NPM2: variants seen among roughly 807,000 people sequenced by gnomAD.
NPM2 encodes the protein nucleoplasmin-2.
A neutral mutation model predicts 32.0 loss-of-function variants in NPM2; 25 were observed. The ratio of observed to expected loss-of-function variants is 0.78; its 90% CI spans 0.57 to 1.09. The LOEUF is 1.09. Ranked by LOEUF, NPM2 falls within the 50% of genes least tolerant of loss-of-function variation. NPM2 has a pLI of 0.00. For synonymous variants in NPM2, 111 were observed against 94.2 expected, an observed-to-expected ratio of 1.18 and a Z score of -1.04; for missense variants, 282 against 259.9, an observed-to-expected ratio of 1.08 and a Z score of -0.58.
At chr8:22,026,454 C>CTTT (rs1171179196) in intron 5 of NPM2, among the ~76,000 whole-genome samples, 3 of 111,414 alleles carry the variant, frequency 2.7e-5, no homozygotes, top group Non-Finnish European at 5.4e-5. Flanking sequence ...CAGTTCTTGC[C>CTTT]TTTTTTTTTT....
Position 22,033,160 on chromosome 8 carries a change from C to A in NPM2, c.301C>A (p.Pro101Thr). ...VSMVGVQLSP[P>T]VTFQLRAGSG... ...CATGGTAGGAGTGCAGCTTTCTCCC[C>A]CAGTTACTTTCCAGCTCCGGGCTGG... The change falls in exon 6 of 10, where the codon CCA becomes ACA. Residue 101 changes from proline (P) to threonine (T), a missense_variant. By Grantham distance (38) the Pro-to-Thr change is conservative (BLOSUM62 -1). Coordinates refer to ENST00000518119, the MANE Select transcript of NPM2 (RefSeq NM_001286680.2). 6.2e-7 allele frequency: 1 copy of A among 1,614,130 alleles called. No individual in the cohort carries two copies. Among genetic ancestry groups the A allele is most frequent in the South Asian group, 1.1e-5 (1 of 91,076 alleles).
chr8:22,035,840 G>T (rs1223372490), intron 8 of NPM2, among the ~76,000 whole-genome samples: 1 of 151,698 alleles, frequency 6.6e-6, no homozygotes, highest in East Asian at 1.9e-4. Context: ...GGCTGAGGCA[G>T]GAGAATCACT....
In NPM2 at chr8:22,033,205, A is replaced by C; in HGVS notation, c.346A>C (p.Ser116Arg). The change falls in exon 6 of 10, where the codon AGT becomes CGT. Residue 116 changes from serine (S) to arginine (R), a missense_variant. Physicochemically the swap from Ser to Arg is moderately radical, Grantham distance 110. Transcript: ENST00000518119. ...LRAGSGPVFL[S>R]GQERYEASDL... Reference sequence around the variant, plus strand: ...GGCTGGCTCAGGACCCGTGTTCCTCAGTGGCCAGGAACGTTATGGTAAGTC... The same window carrying C: ...GGCTGGCTCAGGACCCGTGTTCCTCCGTGGCCAGGAACGTTATGGTAAGTC... 6.2e-7 allele frequency: 1 copy of C among 1,613,978 alleles called. No individual in the cohort carries two copies. Among genetic ancestry groups the C allele is most frequent in the Non-Finnish European group, 8.5e-7 (1 of 1,179,930 alleles).
chr8:22,026,723 G>C (rs778112060), intron 5 of NPM2, among the ~76,000 whole-genome samples: 1 of 152,168 alleles, frequency 6.6e-6, no homozygotes, highest in African/African-American at 2.4e-5. Flanking sequence ...CCGAAGTGCT[G>C]GGATTACAGG....
At chr8:22,034,363 C>A in intron 7 of NPM2, 88 bp downstream of exon 7, 1 of 1,420,336 alleles carries the variant, frequency 7.0e-7, no homozygotes, top group Non-Finnish European at 9.6e-7. Flanking sequence ...CCTGGGCCAG[C>A]CTCCCAGAAT....
rs758138230 is a variant in NPM2 at position 22,034,276 on chromosome 8, G to GTGGGGGAAGGAGCGTGGCTGT, written c.531+3_531+23dup. On this transcript the variant is annotated splice_donor_variant, in intron 7 of 9. Transcript: ENST00000518119. LOFTEE classifies it high-confidence loss of function. The stretch of plus-strand genomic sequence containing the variant: ...CCAGAAGCAGGCGAGCGTGGCTAAG[G>GTGGGGGAAGGAGCGTGGCTGT]TGGGGGAAGGAGCGTGGCTGTTTGG... 6.3e-7 allele frequency: 1 copy of GTGGGGGAAGGAGCGTGGCTGT among 1,584,782 alleles called. No individual in the cohort carries two copies. Among genetic ancestry groups the GTGGGGGAAGGAGCGTGGCTGT allele is most frequent in the Admixed American group, 1.7e-5 (1 of 57,474 alleles).
chr8:22,027,766 C>T (rs1378538042), intron 5 of NPM2, among the ~76,000 whole-genome samples: 2 of 152,166 alleles, frequency 1.3e-5, no homozygotes, highest in African/African-American at 4.8e-5. Flanking sequence ...TCCACTACGC[C>T]AGGCTAATTT....
At chr8:22,032,960 C>T in intron 5 of NPM2, 170 bp from the exon 6 acceptor site, 1 of 600,680 alleles carries the variant, frequency 1.7e-6, no homozygotes, top group Non-Finnish European at 3.0e-6. Context: ...GTGAGCTTAG[C>T]AAGAATGGGA....
chr8:22,030,919 G>A (rs1800418059), intron 5 of NPM2, among the ~76,000 whole-genome samples: 1 of 152,186 alleles, frequency 6.6e-6, no homozygotes. Context: ...ATTTCTTTCT[G>A]TTGACTCTAG....
chr8:22,027,331 C>A (rs567097374), intron 5 of NPM2, among the ~76,000 whole-genome samples: 1 of 152,292 alleles, frequency 6.6e-6, no homozygotes, highest in East Asian at 1.9e-4. Context: ...GTTCTATTTA[C>A]ACATACTTTG....
In NPM2 at chr8:22,033,219, T is replaced by A. The variant is rs1800500451; in HGVS notation, c.360T>A (p.Arg120=). The change falls in exon 6 of 10, where the codon CGT becomes CGA. Residue 120 remains arginine (R), a synonymous_variant. Transcript: ENST00000518119. ...SGPVFLSGQE[R]YEASDLTWEE... ...CCGTGTTCCTCAGTGGCCAGGAACGTTATGGTAAGTCAGAGCCTGCGATCA... is the reference window on the plus strand; with the variant it reads ...CCGTGTTCCTCAGTGGCCAGGAACGATATGGTAAGTCAGAGCCTGCGATCA... 6.2e-7 allele frequency: 1 copy of A among 1,613,486 alleles called. No homozygotes were observed. The highest frequency in any genetic ancestry group is 1.7e-5 in the Admixed American group (1 of 59,994).
rs1049516689 is a variant in NPM2 at position 22,036,819 on chromosome 8, C to T, written c.*137C>T. On this transcript the variant is annotated 3_prime_UTR_variant, in exon 10 of 10. Coordinates refer to ENST00000518119, the MANE Select transcript of NPM2 (RefSeq NM_001286680.2). ...TTGCGGGGGCAACATGAGAGCCCCT[C>T]ACCCCCAACTCTCCACTTTCAGGAG... The T allele has an allele frequency of 9.7e-6, 8 of 823,388 alleles. No individual in the cohort carries two copies. Among genetic ancestry groups the T allele is most frequent in the East Asian group, 2.9e-5 (1 of 34,374 alleles). The allele number at this position is 823,388 out of a possible 1,614,324, so 51.0% of individuals were successfully genotyped here. A position where few individuals can be genotyped will look rare whatever the true frequency, so the allele number is the denominator to read the frequency against.
intron 7 of NPM2, 65 bp from the exon 8 acceptor site, chr8:22,034,445 T>G: frequency 6.7e-7 from 1 of 1,489,298 alleles, no homozygotes; most frequent in South Asian, 1.2e-5. Flanking sequence ...TTGTGGACTT[T>G]GGGAATCTGT....
intron 5 of NPM2, among the ~76,000 whole-genome samples, chr8:22,031,395 C>T (rs12541385): frequency 0.14 from 20,835 of 152,184 alleles, 1,712 homozygotes; most frequent in East Asian, 0.35. Flanking sequence ...CTACAACTCT[C>T]CTCCTTGCCT....
rs894993809 is a variant in NPM2 at position 22,025,312 on chromosome 8, T to G, written c.58+6T>G. 1.2e-6 allele frequency: 2 copies of G among 1,606,090 alleles called. No homozygotes were observed. The highest frequency in any genetic ancestry group is 2.7e-5 in the African/African-American group (2 of 74,450). ...AGTGACGACCGTGCTCTGGGGTGAG[T>G]GGGGACTCAGGCTCCTTCCCAGAGA... On this transcript the variant is annotated splice_donor_region_variant and intron_variant, in intron 3 of 9. Transcript: ENST00000518119.
chr8:22,025,230 C>G lies in NPM2; in HGVS notation c.-19C>G. The G allele has an allele frequency of 6.2e-7, 1 of 1,608,484 alleles. No homozygotes were observed. Among genetic ancestry groups the G allele is most frequent in the Non-Finnish European group, 8.5e-7 (1 of 1,178,516 alleles). ...CCTCCTTGCAGCTGCCCGGCCAGCC[C>G]GCTTCTCTGCCCGGAGCCATGAATC... On this transcript the variant is annotated 5_prime_UTR_variant, in exon 3 of 10. Coordinates refer to ENST00000518119, the MANE Select transcript of NPM2 (RefSeq NM_001286680.2).
chr8:22,031,271 TGAG>T (rs1421730979), intron 5 of NPM2, among the ~76,000 whole-genome samples: 1 of 152,206 alleles, frequency 6.6e-6, no homozygotes, highest in Non-Finnish European at 1.5e-5. Context: ...TTTTCATTTT[TGAG>T]GAGAAGAGGG....
intron 2 of NPM2, 43 bp from the exon 3 acceptor site, chr8:22,025,173 C>G (rs932157257): frequency 1.3e-5 from 19 of 1,511,804 alleles, no homozygotes; most frequent in African/African-American, 1.1e-4. Flanking sequence ...AGTCGAGGGT[C>G]AGGGTCAGGG....
chr8:22,024,864 C>T (rs950143516), intron 2 of NPM2, 34 bp downstream of exon 2: 2 of 213,592 alleles, frequency 9.4e-6, no homozygotes, highest in African/African-American at 4.7e-5. Context: ...GGACCTAAGC[C>T]GCGCGCACAC....
Sources: gnomAD v4.1 joint callset for allele counts (sites outside exome capture counted in the v4.1 genomes callset) on GRCh38, gnomAD v4.1.1 for gene constraint, MANE v1.5 for transcripts, NCBI Gene and HGNC (gene_info 2026-07-23, HGNC 2026-07-21) for gene names.